The following CAP2 variants were observed in gnomAD, a reference collection of about 807,000 sequenced individuals.
CAP2 encodes the protein cyclase associated actin cytoskeleton regulatory protein 2.
Under a neutral mutation model 57.7 loss-of-function variants are expected in CAP2, and 24 were observed. The observed-to-expected ratio is 0.42, with a 90% CI of 0.30 to 0.58. The LOEUF is 0.58. Ranked by LOEUF, CAP2 falls within the 20% of genes least tolerant of loss-of-function variation. CAP2 has a pLI of 0.22. For missense variants in CAP2, 501 were observed against 590.3 expected, an observed-to-expected ratio of 0.85 and a Z score of 1.57; for synonymous variants, 194 against 207.2, an observed-to-expected ratio of 0.94 and a Z score of 0.55.
intron 2 of CAP2, 35 bp from the exon 3 acceptor site, chr6:17,426,555 C>A (rs78135185): frequency 6.6e-7 from 1 of 1,504,396 alleles, no homozygotes. Context: ...TTTCATTCAA[C>A]GGCCAGGGAA....
At chr6:17,435,742 A>AC (rs1460108341) in intron 3 of CAP2, among the ~76,000 whole-genome samples, 3 of 138,218 alleles carry the variant, frequency 2.2e-5, no homozygotes, top group Admixed American at 7.5e-5. Flanking sequence ...ACAAAAAAAA[A>AC]ACAATATATT....
chr6:17,549,520 A>G (rs1763124039), intron 11 of CAP2, among the ~76,000 whole-genome samples: 1 of 152,154 alleles, frequency 6.6e-6, no homozygotes, highest in Non-Finnish European at 1.5e-5. Context: ...AAAAATGGGC[A>G]CAGAATATTA....
At chr6:17,533,805 A>G (rs1249979310) in intron 7 of CAP2, among the ~76,000 whole-genome samples, 1 of 152,016 alleles carries the variant, frequency 6.6e-6, no homozygotes, top group African/African-American at 2.4e-5. Context: ...TGACCTCGTG[A>G]TCCACCCACC....
At chr6:17,453,233 G>C (rs552995617) in intron 3 of CAP2, among the ~76,000 whole-genome samples, 2 of 152,294 alleles carry the variant, frequency 1.3e-5, no homozygotes, top group Non-Finnish European at 2.9e-5. Flanking sequence ...ATGCTAGAGG[G>C]AGCAGACTAG....
At chr6:17,426,522 A>C (rs976158401) in intron 2 of CAP2, 68 bp from the exon 3 acceptor site, 1 of 1,143,946 alleles carries the variant, frequency 8.7e-7, no homozygotes, top group African/African-American at 1.5e-5. Context: ...GGTGTGAGCC[A>C]CCGTGCCCGG....
At chr6:17,461,857 G>T (rs932056868) in intron 3 of CAP2, among the ~76,000 whole-genome samples, 68 of 151,016 alleles carry the variant, frequency 4.5e-4, no homozygotes, top group Non-Finnish European at 9.0e-4. Flanking sequence ...GCCAGGCGTG[G>T]TGGCGGGCGC....
chr6:17,451,667 G>A (rs11966548), intron 3 of CAP2, among the ~76,000 whole-genome samples: 3,671 of 152,026 alleles, frequency 0.024, 161 homozygotes, highest in African/African-American at 0.084. Context: ...CCGCCACCAC[G>A]CTCAGCTAAT....
chr6:17,409,622 T>C (rs1759086674), intron 1 of CAP2, among the ~76,000 whole-genome samples: 1 of 152,108 alleles, frequency 6.6e-6, no homozygotes, highest in East Asian at 1.9e-4. Context: ...TATTATTGGG[T>C]AGATAATACT....
At chr6:17,498,851 C>A (rs2113645186) in intron 4 of CAP2, among the ~76,000 whole-genome samples, 1 of 152,090 alleles carries the variant, frequency 6.6e-6, no homozygotes, top group East Asian at 2.0e-4. Flanking sequence ...GCCTCAGCCT[C>A]CTGATTAGCT....
chr6:17,453,923 T>C (rs1216879713), intron 3 of CAP2, among the ~76,000 whole-genome samples: 3 of 145,794 alleles, frequency 2.1e-5, no homozygotes, highest in Non-Finnish European at 4.5e-5. Flanking sequence ...TTTTTTTCCT[T>C]GCCCAGGCTG....
At chr6:17,436,274 C>T (rs1303019481) in intron 3 of CAP2, among the ~76,000 whole-genome samples, 1 of 151,998 alleles carries the variant, frequency 6.6e-6, no homozygotes, top group East Asian at 1.9e-4. Context: ...TAGGTGCGTG[C>T]CACCCTTCCA....
intron 1 of CAP2, among the ~76,000 whole-genome samples, chr6:17,414,296 C>T (rs1203214447): frequency 6.7e-6 from 1 of 150,052 alleles, no homozygotes; most frequent in East Asian, 1.9e-4. Context: ...AAAAAAAACA[C>T]TTTAAAAAAT....
intron 1 of CAP2, among the ~76,000 whole-genome samples, chr6:17,399,324 A>T (rs1758750669): frequency 6.6e-6 from 1 of 152,132 alleles, no homozygotes; most frequent in African/African-American, 2.4e-5. Flanking sequence ...AGGTCTCCCA[A>T]AGTGCTGGGA....
At chr6:17,421,740 T>C in intron 2 of CAP2, 64 bp downstream of exon 2, 1 of 1,584,180 alleles carries the variant, frequency 6.3e-7, no homozygotes, top group Non-Finnish European at 8.7e-7. Context: ...GTTTCCATAA[T>C]TTCACTCTCA....
intron 3 of CAP2, among the ~76,000 whole-genome samples, chr6:17,439,500 C>G (rs1278970549): frequency 6.6e-6 from 1 of 151,478 alleles, no homozygotes; most frequent in Non-Finnish European, 1.5e-5. Flanking sequence ...TCCTGGAAAA[C>G]AGTTTTTCTG....
chr6:17,511,022 C>G (rs1009981835), intron 6 of CAP2, among the ~76,000 whole-genome samples: 19 of 152,256 alleles, frequency 1.2e-4, no homozygotes, highest in African/African-American at 4.6e-4. Context: ...CAGTATTTGC[C>G]CCTCAGTGTT....
intron 2 of CAP2, among the ~76,000 whole-genome samples, chr6:17,424,365 A>C (rs111636623): frequency 6.6e-6 from 1 of 152,060 alleles, no homozygotes; most frequent in Non-Finnish European, 1.5e-5. Context: ...GCGCCACTGC[A>C]CTCCAGCCTG....
At chr6:17,509,674 CA>C (rs930261803) in intron 6 of CAP2, among the ~76,000 whole-genome samples, 122 of 144,256 alleles carry the variant, frequency 8.5e-4, no homozygotes, top group African/African-American at 2.5e-3. Context: ...GACTCCATCT[CA>C]AAAAAAAAAG....
chr6:17,465,375 G>A (rs1490291467), intron 4 of CAP2, among the ~76,000 whole-genome samples: 1 of 152,094 alleles, frequency 6.6e-6, no homozygotes, highest in Non-Finnish European at 1.5e-5. Flanking sequence ...CTTGATAAAG[G>A]GGAGGGAAAC....
Sources: allele counts gnomAD v4.1 joint callset (sites outside exome capture counted in the v4.1 genomes callset), GRCh38; gene constraint gnomAD v4.1.1; transcripts MANE v1.5; gene names NCBI Gene and HGNC (gene_info 2026-07-23, HGNC 2026-07-21).